Variants in EHMT1 observed in about 807,000 individuals in gnomAD.
EHMT1 encodes the protein euchromatic histone lysine methyltransferase 1.
A neutral mutation model predicts 147.2 loss-of-function variants in EHMT1; 15 were observed. The ratio of observed to expected loss-of-function variants is 0.10; its 90% CI spans 0.07 to 0.16. The LOEUF (loss-of-function observed/expected upper bound fraction) is 0.16, where lower values mean the gene tolerates loss of function less well. Among genes scored for constraint, EHMT1 ranks in the 10% least tolerant of loss-of-function variants. The pLI is 1.00. For synonymous variants in EHMT1, 795 were observed against 709.6 expected, an observed-to-expected ratio of 1.12 and a Z score of -1.91; for missense variants, 1,587 against 1,772.4, an observed-to-expected ratio of 0.90 and a Z score of 1.88.
At position 137,775,030 on chromosome 9, in the gene EHMT1, G is replaced by A. The variant is rs1389498929; in HGVS notation, c.1648-79G>A. 6.2e-7 allele frequency: 1 copy of A among 1,600,492 alleles called. No individual in the cohort carries two copies. Among genetic ancestry groups the A allele is most frequent in the African/African-American group, 1.3e-5 (1 of 74,722 alleles). ...CCTGCTGAGCAGCTCTTGTGTGCCTGCACTGCCCAGCGCCTGGTGGGAGGG... is the reference window on the plus strand; with the variant it reads ...CCTGCTGAGCAGCTCTTGTGTGCCTACACTGCCCAGCGCCTGGTGGGAGGG... On this transcript the variant is annotated intron_variant, in intron 10 of 26. Transcript: ENST00000460843. The surrounding 1 kb of genome is among the most constrained non-coding windows in gnomAD (Gnocchi z 6.1).
At chr9:137,829,355 G>T (rs761403696) in intron 25 of EHMT1, among the ~76,000 whole-genome samples, 3 of 152,214 alleles carry the variant, frequency 2.0e-5, no homozygotes, top group Non-Finnish European at 4.4e-5. Context: ...CCAGAAAGCA[G>T]AGAGAATCAG....
chr9:137,820,725 T>A (rs1446740410), intron 25 of EHMT1, among the ~76,000 whole-genome samples: 1 of 152,222 alleles, frequency 6.6e-6, no homozygotes, highest in Non-Finnish European at 1.5e-5. Flanking sequence ...GTGGAGAAGA[T>A]GTCTTTTCCC....
At chr9:137,699,624 G>A (rs554753051) in intron 1 of EHMT1, among the ~76,000 whole-genome samples, 6 of 151,780 alleles carry the variant, frequency 4.0e-5, no homozygotes, top group Non-Finnish European at 8.8e-5. Flanking sequence ...ATAGTGAGTC[G>A]AGATTGCGCC....
At chr9:137,683,979 T>C (rs1249962675) in intron 1 of EHMT1, among the ~76,000 whole-genome samples, 5 of 152,114 alleles carry the variant, frequency 3.3e-5, no homozygotes, top group South Asian at 4.1e-4. Context: ...CAATATAATA[T>C]TGCTTTGTAT....
intron 3 of EHMT1, among the ~76,000 whole-genome samples, chr9:137,722,807 G>A (rs996529664): frequency 2.0e-5 from 3 of 152,234 alleles, no homozygotes. Flanking sequence ...AGGTGGTGTG[G>A]CAGAGACTAT....
chr9:137,669,327 A>T lies in EHMT1; in HGVS notation c.22-41640A>T, dbSNP rs1346843770. Reference sequence around the variant, plus strand: ...TGAGGACCCCTGGAAAGACGCCCCCACAGCACGTGGACCCCACACCACCCA... The same window carrying T: ...TGAGGACCCCTGGAAAGACGCCCCCTCAGCACGTGGACCCCACACCACCCA... On this transcript the variant is annotated intron_variant, in intron 1 of 26. Coordinates refer to ENST00000460843, the MANE Select transcript of EHMT1 (RefSeq NM_024757.5). 1.4e-4 allele frequency among the ~76,000 whole-genome samples: 12 copies of T among 88,460 alleles called. 1 individual carries two copies. The highest frequency in any genetic ancestry group is 5.2e-4 in the South Asian group (1 of 1,934). The allele number at this position is 88,460 out of a possible 152,430, so 58.0% of individuals were successfully genotyped here. A position where few individuals can be genotyped will look rare whatever the true frequency, so the allele number is the denominator to read the frequency against.
chr9:137,795,427 ACT>A (rs57072562), intron 16 of EHMT1, among the ~76,000 whole-genome samples: 22 of 12,146 alleles, frequency 1.8e-3, no homozygotes, highest in African/African-American at 3.6e-3. Context: ...ACACACACAC[ACT>A]CTCACACTCA....
intron 1 of EHMT1, chr9:137,650,793 A>G (rs1937720312): frequency 6.6e-6 from 1 of 151,428 alleles, no homozygotes; most frequent in South Asian, 2.1e-4. Flanking sequence ...CAGCCCCCCA[A>G]GTAGCCAGGG....
At position 137,649,480 on chromosome 9, in the gene EHMT1, AAAC is replaced by A. The variant is rs1400893839; in HGVS notation, c.21+30434_21+30436del. Among the ~76,000 whole-genome samples the A allele has an allele frequency of 3.1e-3, 466 of 152,028 alleles. 6 individuals are homozygous for A. The highest frequency in any genetic ancestry group is 0.028 in the Admixed American group (426 of 15,256). On this transcript the variant is annotated intron_variant, in intron 1 of 26. Transcript: ENST00000460843. ...GACTCAAACAAACAAACAAACAAAC[AAAC>A]AAACAAAAATGTCCTCCCAAATTCA...
chr9:137,803,171 G>A, intron 18 of EHMT1: 1 of 1,219,264 alleles, frequency 8.2e-7, no homozygotes, highest in Non-Finnish European at 1.0e-6. Flanking sequence ...TGGAAGCATT[G>A]ATTAAATTTC....
chr9:137,760,333 C>G (rs1949707030), intron 9 of EHMT1, among the ~76,000 whole-genome samples: 1 of 152,164 alleles, frequency 6.6e-6, no homozygotes, highest in African/African-American at 2.4e-5. Flanking sequence ...CTGCTGTTGG[C>G]CAGTGCTGTG....
At chr9:137,812,689 C>T (rs1588852157) in intron 19 of EHMT1, among the ~76,000 whole-genome samples, 1 of 152,250 alleles carries the variant, frequency 6.6e-6, no homozygotes, top group Non-Finnish European at 1.5e-5. Context: ...CCTTGCTTCC[C>T]TTCTTATCCT....
At chr9:137,701,089 A>G (rs1159174522) in intron 1 of EHMT1, among the ~76,000 whole-genome samples, 4 of 152,148 alleles carry the variant, frequency 2.6e-5, no homozygotes, top group Non-Finnish European at 1.5e-5. Flanking sequence ...AGGTCTCATG[A>G]GAACTCACTC....
At chr9:137,779,255 G>A (rs551033628) in intron 13 of EHMT1, among the ~76,000 whole-genome samples, 16 of 152,340 alleles carry the variant, frequency 1.1e-4, no homozygotes, top group Middle Eastern at 3.4e-3. Context: ...TCGTGACCAC[G>A]CTGTGTGGGC....
rs200849773 is a variant in EHMT1, at chr9:137,800,936, C to G, written c.2664C>G (p.Leu888=). ...CCACAGAGTACAAGCACGTGGACCT[C>G]GTGAAGCTGCTGCTGTCCAAGGGCT... ...IWATEYKHVD[L]VKLLLSKGSD... The change falls in exon 18 of 27, where the codon CTC becomes CTG. Residue 888 remains leucine, a synonymous_variant. Coordinates refer to ENST00000460843, the MANE Select transcript of EHMT1 (RefSeq NM_024757.5). 7 of 1,614,002 alleles carry G rather than the reference C, an allele frequency of 4.3e-6. No individual in the cohort carries two copies. In the Admixed American group the frequency reaches 1.2e-4, roughly 27 times the overall value.
intron 1 of EHMT1, among the ~76,000 whole-genome samples, chr9:137,670,254 T>C (rs764223643): frequency 1.3e-5 from 2 of 152,174 alleles, no homozygotes; most frequent in Admixed American, 1.3e-4. Flanking sequence ...TGTGTTTTTT[T>C]CATGGTGTGT....
intron 1 of EHMT1, among the ~76,000 whole-genome samples, chr9:137,673,846 C>A (rs1273202194): frequency 6.6e-6 from 1 of 152,158 alleles, no homozygotes; most frequent in Non-Finnish European, 1.5e-5. Flanking sequence ...TAAAAAACAG[C>A]ATCTGTATGT....
intron 3 of EHMT1, among the ~76,000 whole-genome samples, chr9:137,723,342 C>T (rs11137187): frequency 2.6e-3 from 141 of 54,922 alleles, no homozygotes; most frequent in Middle Eastern, 0.029. Context: ...TGTCTGTGTC[C>T]GTGGTTCTGG....
intron 1 of EHMT1, among the ~76,000 whole-genome samples, chr9:137,621,992 T>C (rs1487135268): frequency 6.6e-6 from 1 of 151,980 alleles, no homozygotes; most frequent in Non-Finnish European, 1.5e-5. Context: ...TACTTTAAGT[T>C]TTAGGGTACA....
Sources: allele counts gnomAD v4.1 joint callset (sites outside exome capture counted in the v4.1 genomes callset), GRCh38; gene constraint gnomAD v4.1.1; non-coding constraint Gnocchi (gnomAD v3.1); transcripts MANE v1.5; gene names NCBI Gene and HGNC (gene_info 2026-07-23, HGNC 2026-07-21).